The following MYOM3 variants were observed in gnomAD, a reference collection of about 807,000 sequenced individuals.
MYOM3 encodes myomesin-3.
Under a neutral mutation model 191.7 loss-of-function variants are expected in MYOM3, and 155 were observed. The ratio of observed to expected loss-of-function variants is 0.81; its 90% CI spans 0.71 to 0.92. MYOM3 has a LOEUF of 0.92. Among genes scored for constraint, MYOM3 ranks in the 40% least tolerant of loss-of-function variants. The pLI, the probability that MYOM3 is intolerant of heterozygous loss-of-function variation, is 0.00. For missense variants in MYOM3, 1,889 were observed against 1,890.6 expected (o/e 1.00, Z 0.02); for synonymous variants, 757 against 762.9 (o/e 0.99, Z 0.13).
At chr1:24,098,047 T>G (rs766391676) in intron 6 of MYOM3, 36 bp from the exon 7 acceptor site, 1 of 1,370,268 alleles carries the variant, frequency 7.3e-7, no homozygotes. Flanking sequence ...CTCCCAAGAC[T>G]GCTGGGCTCC....
intron 7 of MYOM3, among the ~76,000 whole-genome samples, chr1:24,096,036 AT>A (rs1643876726): frequency 6.6e-6 from 1 of 152,228 alleles, no homozygotes; most frequent in Non-Finnish European, 1.5e-5. Flanking sequence ...GACTCATTCT[AT>A]CTTCACAACA....
chr1:24,064,296 G>A, intron 29 of MYOM3, 137 bp from the exon 30 acceptor site: 2 of 624,600 alleles, frequency 3.2e-6, no homozygotes, highest in East Asian at 2.9e-5. Context: ...TCCTCCCTGG[G>A]CCTCCATTTA....
rs1557606242 is a variant in MYOM3 at position 24,076,231 on chromosome 1, G to C, written c.2629C>G (p.Gln877Glu). 6.2e-7 allele frequency: 1 copy of C among 1,614,198 alleles called. No individual in the cohort carries two copies. Among genetic ancestry groups the C allele is most frequent in the Non-Finnish European group, 8.5e-7 (1 of 1,180,018 alleles). The change falls in exon 21 of 37, where the codon CAG (glutamine) becomes GAG (glutamate). Residue 877 changes from glutamine to glutamate, a missense_variant. Coordinates refer to ENST00000374434, the MANE Select transcript of MYOM3 (RefSeq NM_152372.4). Reference protein sequence around the residue: ...QPGKSYVFQVQAMNSAGLGQP... With the variant: ...QPGKSYVFQVEAMNSAGLGQP... ...CCCAGACCAGCTGAATTCATGGCCT[G>C]TACCTGGAACACGTAACTCTTTCCT... is the stretch of plus-strand genomic sequence containing the variant.
chr1:24,093,114 G>T lies in MYOM3; in HGVS notation c.929-6C>A. 6.2e-7 allele frequency: 1 copy of T among 1,603,976 alleles called. No individual in the cohort carries two copies. Among genetic ancestry groups the T allele is most frequent in the South Asian group, 1.1e-5 (1 of 90,642 alleles). Reference sequence around the variant, plus strand: ...CGAGGACCTCAGTAGGCTCCCTGTGGAGGGGAAGTGGGGGGCCATTGAGTT... The same window carrying T: ...CGAGGACCTCAGTAGGCTCCCTGTGTAGGGGAAGTGGGGGGCCATTGAGTT... On this transcript the variant is annotated splice_polypyrimidine_tract_variant and splice_region_variant and intron_variant, in intron 9 of 36. Coordinates refer to ENST00000374434, the MANE Select transcript of MYOM3 (RefSeq NM_152372.4).
At chr1:24,090,038 C>T (rs375067950) in intron 13 of MYOM3, 27 bp downstream of exon 13, 11 of 1,609,430 alleles carry the variant, frequency 6.8e-6, no homozygotes, top group Non-Finnish European at 2.6e-6. Flanking sequence ...ATACAGGAGG[C>T]CCAGTGTGTG....
chr1:24,094,085 G>T (rs1451777049), intron 9 of MYOM3, among the ~76,000 whole-genome samples: 1 of 151,932 alleles, frequency 6.6e-6, no homozygotes, highest in Non-Finnish European at 1.5e-5. Flanking sequence ...TGCAACTGTT[G>T]CAGCCTGCCC....
intron 27 of MYOM3, among the ~76,000 whole-genome samples, chr1:24,067,633 T>C (rs544605953): frequency 7.2e-5 from 11 of 152,092 alleles, no homozygotes; most frequent in African/African-American, 2.7e-4. Context: ...GGCTAATTTT[T>C]GTATTTTTCA....
intron 2 of MYOM3, 116 bp downstream of exon 2, chr1:24,108,360 G>A: frequency 8.6e-7 from 1 of 1,157,256 alleles, no homozygotes; most frequent in Non-Finnish European, 1.2e-6. Context: ...CAGAAAGCAG[G>A]GATGTCCCTC....
At chr1:24,100,755 C>T (rs1458053178) in intron 5 of MYOM3, among the ~76,000 whole-genome samples, 2 of 151,960 alleles carry the variant, frequency 1.3e-5, no homozygotes, top group Non-Finnish European at 2.9e-5. Context: ...GGCGTGGTGG[C>T]GGGCGCCTGT....
intron 33 of MYOM3, among the ~76,000 whole-genome samples, 193 bp from the exon 34 acceptor site, chr1:24,061,502 TTTTC>T (rs1203552263): frequency 6.6e-6 from 1 of 152,144 alleles, no homozygotes; most frequent in Non-Finnish European, 1.5e-5. Context: ...GGATTTTCTT[TTTTC>T]TTTCTTTTTA....
At chr1:24,077,185 C>T (rs151183186) in intron 20 of MYOM3, among the ~76,000 whole-genome samples, 1 of 152,310 alleles carries the variant, frequency 6.6e-6, no homozygotes, top group African/African-American at 2.4e-5. Context: ...GTGATTGAGG[C>T]TTTGTTTCTC....
At chr1:24,068,565 G>T (rs1643484066) in intron 25 of MYOM3, among the ~76,000 whole-genome samples, 198 bp from the exon 26 acceptor site, 1 of 151,924 alleles carries the variant, frequency 6.6e-6, no homozygotes, top group Non-Finnish European at 1.5e-5. Context: ...ACAATTTTTT[G>T]TTGTTGTTTT....
chr1:24,074,417 C>T (rs528992809), intron 22 of MYOM3, 148 bp from the exon 23 acceptor site: 43 of 615,984 alleles, frequency 7.0e-5, no homozygotes, highest in South Asian at 6.2e-4. Context: ...GCAGCTGCCT[C>T]CTGCTACCTC....
Position 24,068,264 on chromosome 1 carries a change from C to T in MYOM3, c.3254G>A (p.Gly1085Glu). The T allele has an allele frequency of 6.2e-7, 1 of 1,614,182 alleles. No individual in the cohort carries two copies. Among genetic ancestry groups the T allele is most frequent in the Non-Finnish European group, 8.5e-7 (1 of 1,180,024 alleles). ...CAAGGTAATCTGGTTTTTGGCTTTT[C>T]CATCTTGGAGTTGAGCGGTGTACGA... Reference protein sequence around the residue: ...KGSYTAQLQDGKAKNQITLTL... With the variant: ...KGSYTAQLQDEKAKNQITLTL... Residue 1085 changes from glycine to glutamate, a missense_variant, in exon 26 of 37, where the codon GGA becomes GAA. Physicochemically the swap from Gly to Glu is moderately conservative, Grantham distance 98. Coordinates refer to ENST00000374434, the MANE Select transcript of MYOM3 (RefSeq NM_152372.4).
rs541215775 is a variant in MYOM3, at chr1:24,092,396, C to T, written c.1091-81G>A. 1.4e-5 allele frequency: 17 copies of T among 1,232,388 alleles called. No individual in the cohort carries two copies. In the South Asian group the frequency reaches 4.9e-4, roughly 35 times the overall value. 76.3% of individuals were successfully genotyped at this position (1,232,388 alleles called of 1,614,324 possible). On this transcript the variant is annotated intron_variant, in intron 10 of 36. Transcript: ENST00000374434. The stretch of plus-strand genomic sequence containing the variant: ...GCCCTTCCCACTCCCGCCCAGCATC[C>T]TCTTCTCATCCATCCTCCAGGGGCT...
At chr1:24,106,321 G>A (rs768771285) in intron 4 of MYOM3, among the ~76,000 whole-genome samples, 2 of 152,138 alleles carry the variant, frequency 1.3e-5, no homozygotes, top group Non-Finnish European at 2.9e-5. Flanking sequence ...TGTCCTTATT[G>A]GTAAAATAGA....
rs753219856 is a variant in MYOM3 at position 24,057,607 on chromosome 1, G to A, written c.4071C>T (p.Ile1357=). ...TTTCAGGGGTGGGGTCTCCTGAGAC[G>A]ATGCAAGTCAAGCACAGGGTCTGTT... ...MEDKTLCLTC[I]VSGDPTPEIS... Residue 1357 remains isoleucine (I), a synonymous_variant, in exon 37 of 37, where the codon ATC becomes ATT. Coordinates refer to ENST00000374434, the MANE Select transcript of MYOM3 (RefSeq NM_152372.4). 2.6e-5 allele frequency: 42 copies of A among 1,613,928 alleles called. No individual in the cohort carries two copies. The highest frequency in any genetic ancestry group is 6.7e-5 in the African/African-American group (5 of 74,898).
rs759865444 is a variant in MYOM3, at chr1:24,061,098, G to A, written c.3972-16C>T. On this transcript the variant is annotated splice_polypyrimidine_tract_variant and intron_variant, in intron 34 of 36. Coordinates refer to ENST00000374434, the MANE Select transcript of MYOM3 (RefSeq NM_152372.4). ...GGCCAAGGTTCTGAAAAACAGAAAT[G>A]GGAACAAGGTGTGACATTCCACTTG... 19 of 1,613,960 alleles carry A rather than the reference G, an allele frequency of 1.2e-5. No individual in the cohort carries two copies. The highest frequency in any genetic ancestry group is 1.6e-5 in the Non-Finnish European group (19 of 1,179,986).
Position 24,063,941 on chromosome 1 carries a change from G to T in MYOM3, c.3622+131C>A. ...TGACTAGATGTGGAATCTTGGGCAA[G>T]TTACTTAATCTCTTTGTGCCTCAAT... On this transcript the variant is annotated intron_variant, in intron 30 of 36. Coordinates refer to ENST00000374434, the MANE Select transcript of MYOM3 (RefSeq NM_152372.4). This position sits in a 1 kb window ranked among gnomAD's most constrained non-coding sequence, Gnocchi z 4.5. 1 of 741,244 alleles carries T rather than the reference G, an allele frequency of 1.3e-6. No homozygotes were observed. Among genetic ancestry groups the T allele is most frequent in the Non-Finnish European group, 2.2e-6 (1 of 445,320 alleles). The allele number at this position is 741,244 out of a possible 1,614,324, so 45.9% of individuals were successfully genotyped here. A position where few individuals can be genotyped will look rare whatever the true frequency, so the allele number is the denominator to read the frequency against.
Sources: allele counts gnomAD v4.1 joint callset (sites outside exome capture counted in the v4.1 genomes callset), GRCh38; gene constraint gnomAD v4.1.1; non-coding constraint Gnocchi (gnomAD v3.1); transcripts MANE v1.5; gene names NCBI Gene and HGNC (gene_info 2026-07-23, HGNC 2026-07-21).